Variants in DACH1 observed in about 807,000 individuals in gnomAD.
DACH1 encodes the protein dachshund family transcription factor 1, also known as dachshund homolog 1.
A neutral mutation model predicts 54.2 loss-of-function variants in DACH1; 12 were observed. That is an observed-to-expected ratio of 0.22 (90% CI 0.14 to 0.36). DACH1 has a LOEUF of 0.36. DACH1 is among the 10% of genes least tolerant of loss of function. The pLI is 1.00. For synonymous variants in DACH1, 386 were observed against 366.2 expected (o/e 1.05, Z -0.62); for missense variants, 805 against 929.8 (o/e 0.87, Z 1.75).
At chr13:71,584,550 A>G (rs1484606942) in intron 3 of DACH1, among the ~76,000 whole-genome samples, 2 of 152,186 alleles carry the variant, frequency 1.3e-5, no homozygotes, top group Non-Finnish European at 2.9e-5. Context: ...ATTAACTCAC[A>G]AAAGTATTAA....
chr13:71,477,913 G>T (rs745820213), intron 8 of DACH1, among the ~76,000 whole-genome samples: 1 of 152,060 alleles, frequency 6.6e-6, no homozygotes, highest in African/African-American at 2.4e-5. Flanking sequence ...GGAACTTTAC[G>T]GTGTGATCTG....
At chr13:71,850,707 A>G (rs1267537169) in intron 1 of DACH1, among the ~76,000 whole-genome samples, 2 of 152,190 alleles carry the variant, frequency 1.3e-5, no homozygotes, top group Non-Finnish European at 2.9e-5. Context: ...AGATTTACTT[A>G]AGCCCAGTTA....
At chr13:71,657,054 G>T (rs560710000) in intron 2 of DACH1, among the ~76,000 whole-genome samples, 1 of 148,712 alleles carries the variant, frequency 6.7e-6, no homozygotes, top group African/African-American at 2.5e-5. Context: ...GTGTGTGTGT[G>T]CATATACATA....
intron 1 of DACH1, among the ~76,000 whole-genome samples, chr13:71,798,238 A>G (rs1269245270): frequency 6.6e-6 from 1 of 150,626 alleles, no homozygotes; most frequent in African/African-American, 2.4e-5. Context: ...CTCTTGGGAT[A>G]TGCTTTTATC....
intron 1 of DACH1, among the ~76,000 whole-genome samples, chr13:71,703,627 G>T (rs1432394319): frequency 6.6e-6 from 1 of 152,184 alleles, no homozygotes; most frequent in Non-Finnish European, 1.5e-5. Context: ...CTCAACTGCA[G>T]ATAGAATGCA....
intron 1 of DACH1, among the ~76,000 whole-genome samples, chr13:71,761,246 T>C (rs1885388455): frequency 6.6e-6 from 1 of 152,190 alleles, no homozygotes; most frequent in Non-Finnish European, 1.5e-5. Context: ...TTATCCTTCT[T>C]ATTAAATATC....
intron 10 of DACH1, among the ~76,000 whole-genome samples, chr13:71,450,169 CTT>C (rs11379542): frequency 7.1e-6 from 1 of 141,376 alleles, no homozygotes. Flanking sequence ...GACACAGATA[CTT>C]TTTTTTTTTT....
At chr13:71,479,421 T>G (rs2138182731) in intron 7 of DACH1, 105 bp from the exon 8 acceptor site, 1 of 1,148,792 alleles carries the variant, frequency 8.7e-7, no homozygotes, top group African/African-American at 1.5e-5. Flanking sequence ...TCAAATGACC[T>G]AATTCTTTCG....
chr13:71,554,923 G>C (rs1884141836), intron 6 of DACH1, among the ~76,000 whole-genome samples: 1 of 152,054 alleles, frequency 6.6e-6, no homozygotes, highest in Non-Finnish European at 1.5e-5. Context: ...CAATTCAAAG[G>C]ATAACATTGC....
chr13:71,798,114 T>C (rs538612329), intron 1 of DACH1, among the ~76,000 whole-genome samples: 1 of 151,734 alleles, frequency 6.6e-6, no homozygotes, highest in Admixed American at 6.6e-5. Flanking sequence ...AAAATAGGTA[T>C]AGAAAAGTAA....
chr13:71,662,034 G>A (rs1193747593), intron 2 of DACH1, among the ~76,000 whole-genome samples: 1 of 151,910 alleles, frequency 6.6e-6, no homozygotes, highest in Non-Finnish European at 1.5e-5. Flanking sequence ...TACCCAATTT[G>A]GGCAATGTTT....
rs529230991 is a variant in DACH1, at chr13:71,530,066, T to C, written c.1570+26958A>G. ...AAATTAAAAGACCTTTCATGCCATA[T>C]GAAATAAACACAAAATAATTGAACA... On this transcript the variant is annotated intron_variant, in intron 6 of 10. Coordinates refer to ENST00000613252, the MANE Select transcript of DACH1 (RefSeq NM_080759.6). 1.3e-4 allele frequency among the ~76,000 whole-genome samples: 20 copies of C among 152,270 alleles called. No homozygotes were observed. The South Asian group carries it at 4.1e-3, about 32-fold the overall frequency.
intron 7 of DACH1, among the ~76,000 whole-genome samples, chr13:71,481,067 T>C (rs1188148228): frequency 6.6e-6 from 1 of 152,174 alleles, no homozygotes; most frequent in Non-Finnish European, 1.5e-5. Context: ...TAGTAACAAA[T>C]GAAAGAGATC....
At chr13:71,865,126 C>A (rs79770918) in intron 1 of DACH1, among the ~76,000 whole-genome samples, 8,331 of 152,154 alleles carry the variant, frequency 0.055, 320 homozygotes, top group Middle Eastern at 0.088. Flanking sequence ...GCTGGTTGCC[C>A]TCGCATCTGC....
intron 6 of DACH1, among the ~76,000 whole-genome samples, chr13:71,517,745 G>T (rs1260591390): frequency 6.6e-6 from 1 of 151,842 alleles, no homozygotes; most frequent in Non-Finnish European, 1.5e-5. Context: ...CTGAAGCATT[G>T]CTTCTTATTC....
intron 3 of DACH1, among the ~76,000 whole-genome samples, chr13:71,617,490 G>A (rs1405622879): frequency 2.6e-5 from 4 of 152,110 alleles, no homozygotes; most frequent in African/African-American, 9.7e-5. Context: ...ATAAGTAGAT[G>A]TTATACAATT....
chr13:71,737,387 G>A (rs958492717), intron 1 of DACH1, among the ~76,000 whole-genome samples: 1 of 151,856 alleles, frequency 6.6e-6, no homozygotes, highest in African/African-American at 2.4e-5. Context: ...AGGGAAGGAG[G>A]GATTTGGCAG....
chr13:71,695,730 G>C (rs762911724), intron 1 of DACH1, among the ~76,000 whole-genome samples: 3 of 152,144 alleles, frequency 2.0e-5, no homozygotes, highest in Non-Finnish European at 2.9e-5. Flanking sequence ...TATATTGCAA[G>C]TCCTTTGAGA....
In DACH1 at chr13:71,866,434, G is replaced by T; in HGVS notation, c.336C>A (p.Ser112Arg). 7.1e-7 allele frequency: 1 copy of T among 1,408,848 alleles called. No homozygotes were observed. The highest frequency in any genetic ancestry group is 3.0e-5 in the East Asian group (1 of 33,766). 87.3% of individuals were successfully genotyped at this position (1,408,848 alleles called of 1,614,324 possible). A position where few individuals can be genotyped will look rare whatever the true frequency, so the allele number is the denominator to read the frequency against. The change falls in exon 1 of 11, where the codon AGC (serine) becomes AGA (arginine). Residue 112 changes from serine (S) to arginine (R), a missense_variant. Ser to Arg is a moderately radical substitution (Grantham distance 110). Transcript: ENST00000613252. ...SNCNPNLAAA[S>R]NGSGGGGGGI... ...CGCCGCCGCCGCCGCCGCTGCCGTT[G>T]CTCGCGGCCGCCAGGTTGGGGTTGC... is the stretch of plus-strand genomic sequence containing the variant.
Sources: allele counts gnomAD v4.1 joint callset (sites outside exome capture counted in the v4.1 genomes callset), GRCh38; gene constraint gnomAD v4.1.1; transcripts MANE v1.5; gene names NCBI Gene and HGNC (gene_info 2026-07-23, HGNC 2026-07-21).